Variants in PRLR observed in about 807,000 individuals in gnomAD.
PRLR encodes the protein hPRL receptor.
Under a neutral mutation model 40.2 loss-of-function variants are expected in PRLR, and 13 were observed. The ratio of observed to expected loss-of-function variants is 0.32; its 90% CI spans 0.21 to 0.51. PRLR has a LOEUF of 0.51. Among genes scored for constraint, PRLR ranks in the 20% least tolerant of loss-of-function variants. The pLI, the probability that PRLR is intolerant of heterozygous loss-of-function variation, is 0.97. For synonymous variants in PRLR, 269 were observed against 278.7 expected (o/e 0.97, Z 0.35); for missense variants, 656 against 747.3 (o/e 0.88, Z 1.42).
intron 1 of PRLR, among the ~76,000 whole-genome samples, chr5:35,148,081 G>A (rs1393899390): frequency 6.6e-6 from 1 of 152,118 alleles, no homozygotes; most frequent in African/African-American, 2.4e-5. Context: ...CTTCAGAGGT[G>A]TTTTGGCTAA....
chr5:35,122,956 C>T (rs187635030), intron 1 of PRLR, among the ~76,000 whole-genome samples: 1 of 152,284 alleles, frequency 6.6e-6, no homozygotes, highest in East Asian at 1.9e-4. Context: ...AGTCAACTGT[C>T]AGGTCCAATT....
At chr5:35,185,207 C>T (rs1047556804) in intron 1 of PRLR, among the ~76,000 whole-genome samples, 8 of 152,186 alleles carry the variant, frequency 5.3e-5, no homozygotes, top group African/African-American at 1.9e-4. Flanking sequence ...CATATTCTTC[C>T]ATCTAAATTC....
chr5:35,163,879 T>C (rs1774746372), intron 1 of PRLR, among the ~76,000 whole-genome samples: 1 of 152,190 alleles, frequency 6.6e-6, no homozygotes, highest in Non-Finnish European at 1.5e-5. Context: ...AGCAGTGTAC[T>C]AGAGACACTG....
chr5:35,185,660 G>A (rs62355520), intron 1 of PRLR, among the ~76,000 whole-genome samples: 8,172 of 152,204 alleles, frequency 0.054, 257 homozygotes, highest in Middle Eastern at 0.14. Context: ...AGATCTCTGA[G>A]CAGGAACAGT....
chr5:35,095,702 AT>A (rs993443327), intron 2 of PRLR, among the ~76,000 whole-genome samples: 4 of 152,096 alleles, frequency 2.6e-5, no homozygotes, highest in Admixed American at 1.3e-4. Flanking sequence ...ATTCATTATT[AT>A]TTTTTTATCA....
intron 5 of PRLR, among the ~76,000 whole-genome samples, chr5:35,077,687 C>T (rs1367469777): frequency 6.6e-6 from 1 of 152,186 alleles, no homozygotes; most frequent in Non-Finnish European, 1.5e-5. Context: ...TTGAACTCAG[C>T]TCTGCACCAA....
intron 1 of PRLR, among the ~76,000 whole-genome samples, chr5:35,143,890 T>C (rs939041308): frequency 1.4e-5 from 2 of 147,206 alleles, no homozygotes; most frequent in Non-Finnish European, 3.0e-5. Flanking sequence ...ATAATATGAG[T>C]ATGACAAAAA....
chr5:35,189,909 G>A (rs1375807418), intron 1 of PRLR, among the ~76,000 whole-genome samples: 2 of 152,220 alleles, frequency 1.3e-5, no homozygotes, highest in Non-Finnish European at 2.9e-5. Context: ...AAGCCGCACA[G>A]CTTTGGGGCA....
intron 2 of PRLR, among the ~76,000 whole-genome samples, chr5:35,113,385 C>T (rs1435660912): frequency 7.1e-6 from 1 of 141,318 alleles, no homozygotes; most frequent in East Asian, 2.7e-4. Flanking sequence ...ATTTATCCAT[C>T]CATCCATCCA....
intron 1 of PRLR, among the ~76,000 whole-genome samples, chr5:35,219,222 T>C (rs553151924): frequency 6.6e-6 from 1 of 152,226 alleles, no homozygotes; most frequent in Non-Finnish European, 1.5e-5. Context: ...AGTCTACTTC[T>C]GAAGGTGGCA....
intron 3 of PRLR, 57 bp from the exon 4 acceptor site, chr5:35,086,397 C>A: frequency 6.3e-7 from 1 of 1,592,432 alleles, no homozygotes; most frequent in Non-Finnish European, 8.6e-7. Context: ...CCATTTGACC[C>A]TTCTGCTGGT....
intron 1 of PRLR, among the ~76,000 whole-genome samples, chr5:35,128,355 G>T (rs551685750): frequency 1.3e-5 from 2 of 150,618 alleles, no homozygotes; most frequent in African/African-American, 4.9e-5. Flanking sequence ...GATACAAGAC[G>T]TTGTAGTATT....
chr5:35,071,995 A>C (rs1238136784), intron 6 of PRLR, among the ~76,000 whole-genome samples: 1 of 151,912 alleles, frequency 6.6e-6, no homozygotes, highest in African/African-American at 2.4e-5. Context: ...TCCTGGGTTC[A>C]AGAGATTCTC....
chr5:35,069,051 T>G (rs1300638483), intron 7 of PRLR, among the ~76,000 whole-genome samples, 173 bp from the exon 8 acceptor site: 1 of 152,214 alleles, frequency 6.6e-6, no homozygotes, highest in East Asian at 1.9e-4. Context: ...TTTTAAATAT[T>G]ATTAATATGT....
intron 5 of PRLR, among the ~76,000 whole-genome samples, chr5:35,082,728 TGAGAGTCG>T (rs1352940629): frequency 6.6e-6 from 1 of 152,152 alleles, no homozygotes; most frequent in Non-Finnish European, 1.5e-5. Context: ...TATTGCTGGA[TGAGAGTCG>T]AAGTGTCAGA....
chr5:35,101,642 T>C (rs1229850924), intron 2 of PRLR, among the ~76,000 whole-genome samples: 2 of 151,748 alleles, frequency 1.3e-5, no homozygotes, highest in Non-Finnish European at 2.9e-5. Flanking sequence ...TTTTCTGGCA[T>C]CATCATGTCT....
In PRLR at chr5:35,113,065, C is replaced by T. The variant is rs371296164; in HGVS notation, c.-44+4996G>A. On this transcript the variant is annotated intron_variant, in intron 2 of 9. Transcript: ENST00000618457. The stretch of plus-strand genomic sequence containing the variant: ...ATGTAGTGGCTGGAACATCCATCCA[C>T]CCACCCATCCATCCATCAACCTACC... Among the ~76,000 whole-genome samples, 9 of 152,044 alleles carry T rather than the reference C, an allele frequency of 5.9e-5. No homozygotes were observed. In the East Asian group the frequency reaches 1.7e-3, roughly 29 times the overall value.
chr5:35,091,258 G>A (rs1771197262), intron 2 of PRLR, among the ~76,000 whole-genome samples: 1 of 152,076 alleles, frequency 6.6e-6, no homozygotes, highest in South Asian at 2.1e-4. Flanking sequence ...CTCCCAGGGT[G>A]CACTTTCTAA....
chr5:35,209,881 G>A (rs541275471), intron 1 of PRLR, among the ~76,000 whole-genome samples: 1 of 152,162 alleles, frequency 6.6e-6, no homozygotes, highest in African/African-American at 2.4e-5. Flanking sequence ...CATCTACTCT[G>A]GCCTCCCACA....
Sources: gnomAD v4.1 joint callset for allele counts (sites outside exome capture counted in the v4.1 genomes callset) on GRCh38, gnomAD v4.1.1 for gene constraint, MANE v1.5 for transcripts, NCBI Gene and HGNC (gene_info 2026-07-23, HGNC 2026-07-21) for gene names.